DNAH7: variants seen among roughly 807,000 people sequenced by gnomAD.
The protein encoded by DNAH7 is axonemal beta dynein heavy chain 7.
In DNAH7, 397 loss-of-function variants were observed where a neutral mutation model predicts 444.6. The ratio of observed to expected loss-of-function variants is 0.89; its 90% CI spans 0.82 to 0.97. The LOEUF is 0.97. Ranked by LOEUF, DNAH7 falls within the 50% of genes least tolerant of loss-of-function variation. The pLI, the probability that DNAH7 is intolerant of heterozygous loss-of-function variation, is 0.00. For synonymous variants in DNAH7, 1,636 were observed against 1,624.4 expected (o/e 1.01, Z -0.17); for missense variants, 4,902 against 4,800.8 (o/e 1.02, Z -0.62).
intron 27 of DNAH7, chr2:195,905,551 AAGTAATATAGGATCT>A (rs1686961775): frequency 6.6e-6 from 1 of 152,176 alleles, no homozygotes; most frequent in Non-Finnish European, 1.5e-5. Flanking sequence ...TGAAGTGTGG[AAGTAATATAGGATCT>A]AGTCAGGAGA....
At chr2:195,965,501 T>C (rs1369366012) in intron 17 of DNAH7, among the ~76,000 whole-genome samples, 1 of 152,186 alleles carries the variant, frequency 6.6e-6, no homozygotes, top group African/African-American at 2.4e-5. Context: ...CTGGAAGTAT[T>C]CTCTCCTATA....
At chr2:195,776,493 A>T (rs536675531) in intron 59 of DNAH7, among the ~76,000 whole-genome samples, 1 of 152,132 alleles carries the variant, frequency 6.6e-6, no homozygotes, top group Non-Finnish European at 1.5e-5. Flanking sequence ...AGAGAAAAAG[A>T]AAATGTACCT....
chr2:195,900,065 G>A (rs1431955988), intron 28 of DNAH7, among the ~76,000 whole-genome samples: 5 of 152,074 alleles, frequency 3.3e-5, no homozygotes, highest in Non-Finnish European at 7.4e-5. Flanking sequence ...CCCCGTTAAT[G>A]AAACAGAACT....
chr2:195,809,755 T>A lies in DNAH7; in HGVS notation c.9878A>T (p.His3293Leu). The A allele has an allele frequency of 6.3e-7, 1 of 1,587,866 alleles. No individual in the cohort carries two copies. Among genetic ancestry groups the A allele is most frequent in the Non-Finnish European group, 8.6e-7 (1 of 1,167,700 alleles). The change falls in exon 52 of 65, where the codon CAT (histidine) becomes CTT (leucine). Residue 3293 changes from histidine to leucine, a missense_variant. Transcript: ENST00000312428. ...GAAAACAGTACTGACCGCCCGCTCA[T>A]GCAGCAGTAGATTTATGGTTAGACA... The part of the protein sequence containing the change: ...SFCLTINLLL[H>L]ERAINKAEWR...
rs145218502 is a variant in DNAH7 at position 195,974,805 on chromosome 2, T to C, written c.1834-2339A>G. On this transcript the variant is annotated intron_variant, in intron 15 of 64. Coordinates refer to ENST00000312428, the MANE Select transcript of DNAH7 (RefSeq NM_018897.3). Reference sequence around the variant, plus strand: ...ACACACACACACACACAGTCACATATGAAGGACCTCAATCCAAGTACAAAT... The same window carrying C: ...ACACACACACACACACAGTCACATACGAAGGACCTCAATCCAAGTACAAAT... Among the ~76,000 whole-genome samples the C allele has an allele frequency of 5.3e-4, 76 of 144,170 alleles. 1 individual carries two copies. In the East Asian group the frequency reaches 0.015, roughly 28 times the overall value. The allele number at this position is 144,170 out of a possible 152,430, so 94.6% of individuals were successfully genotyped here. A position where few individuals can be genotyped will look rare whatever the true frequency, so the allele number is the denominator to read the frequency against.
chr2:195,782,539 C>A (rs924500449), intron 58 of DNAH7, among the ~76,000 whole-genome samples: 1 of 152,130 alleles, frequency 6.6e-6, no homozygotes, highest in Admixed American at 6.6e-5. Flanking sequence ...ATATCATATT[C>A]TTTCACTATA....
chr2:195,803,790 T>C (rs1291906257), intron 54 of DNAH7, among the ~76,000 whole-genome samples: 1 of 152,234 alleles, frequency 6.6e-6, no homozygotes, highest in African/African-American at 2.4e-5. Context: ...TTGTTTACCA[T>C]TTTGAAGGAC....
At chr2:195,932,095 T>G (rs1178231190) in intron 21 of DNAH7, among the ~76,000 whole-genome samples, 1 of 152,232 alleles carries the variant, frequency 6.6e-6, no homozygotes, top group African/African-American at 2.4e-5. Flanking sequence ...CTCTTTTATT[T>G]CATTGAGCAG....
intron 53 of DNAH7, among the ~76,000 whole-genome samples, chr2:195,807,074 C>T (rs960384293): frequency 6.6e-6 from 1 of 151,932 alleles, no homozygotes; most frequent in Non-Finnish European, 1.5e-5. Flanking sequence ...CACTAATAAA[C>T]AGACAAAATG....
rs71015727 is a variant in DNAH7 at position 195,740,585 on chromosome 2, ATGTGTG to A, written c.11868+175_11868+180del. On this transcript the variant is annotated intron_variant, in intron 64 of 64. Transcript: ENST00000312428. ...CATGAATAACAAGAATTGACTGTAT[ATGTGTG>A]TGTGTGTGTGTGTGTGTGTGTGTGT... Among the ~76,000 whole-genome samples, 761 of 132,356 alleles carry A rather than the reference ATGTGTG, an allele frequency of 5.7e-3. 8 individuals are homozygous for A. The highest frequency in any genetic ancestry group is 0.016 in the Middle Eastern group (4 of 246). 86.8% of individuals were successfully genotyped at this position (132,356 alleles called of 152,430 possible).
chr2:195,913,872 T>C (rs1687508525), intron 24 of DNAH7, among the ~76,000 whole-genome samples: 1 of 152,188 alleles, frequency 6.6e-6, no homozygotes, highest in South Asian at 2.1e-4. Flanking sequence ...CCCACCACCA[T>C]GCCCAGCAAG....
At chr2:195,984,151 G>C (rs1488803898) in intron 15 of DNAH7, among the ~76,000 whole-genome samples, 2 of 152,052 alleles carry the variant, frequency 1.3e-5, no homozygotes, top group Non-Finnish European at 2.9e-5. Context: ...AGATGAGCCT[G>C]CTGGGGCTTG....
chr2:195,809,870 G>C lies in DNAH7; in HGVS notation c.9763C>G (p.Leu3255Val). 1 of 1,547,284 alleles carries C rather than the reference G, an allele frequency of 6.5e-7. No individual in the cohort carries two copies. Among genetic ancestry groups the C allele is most frequent in the Non-Finnish European group, 8.7e-7 (1 of 1,149,718 alleles). The stretch of plus-strand genomic sequence containing the variant: ...GTAAAGTGATCCTTGAGAATCTGAA[G>C]CCTAAGGGTCAACAGAAAATAAAGG... ...SEKSEILAKR[L>V]QILKDHFTYS... is the part of the protein sequence containing the mutation. The change falls in exon 52 of 65, where the codon CTT becomes GTT. Residue 3255 changes from leucine to valine, a missense_variant and splice_region_variant. Leu to Val is a conservative substitution (Grantham distance 32). Transcript: ENST00000312428.
chr2:195,861,239 C>T (rs1008597085), intron 42 of DNAH7, among the ~76,000 whole-genome samples: 1 of 152,040 alleles, frequency 6.6e-6, no homozygotes, highest in Non-Finnish European at 1.5e-5. Flanking sequence ...CTTCTGTGCA[C>T]ACACAAGTCA....
At chr2:195,949,254 C>T (rs1052354117) in intron 19 of DNAH7, among the ~76,000 whole-genome samples, 1 of 152,052 alleles carries the variant, frequency 6.6e-6, no homozygotes, top group African/African-American at 2.4e-5. Context: ...ATCTGACTTC[C>T]TCTCTTCCTT....
At chr2:196,011,931 G>C (rs1694748974) in intron 10 of DNAH7, among the ~76,000 whole-genome samples, 1 of 151,862 alleles carries the variant, frequency 6.6e-6, no homozygotes, top group Non-Finnish European at 1.5e-5. Context: ...ATTAATTATG[G>C]GTTTTCATTT....
At chr2:196,052,877 G>C (rs1697563050) in intron 2 of DNAH7, among the ~76,000 whole-genome samples, 1 of 152,168 alleles carries the variant, frequency 6.6e-6, no homozygotes, top group African/African-American at 2.4e-5. Flanking sequence ...TGTTGGAGTG[G>C]ATGGGGAAGG....
intron 10 of DNAH7, among the ~76,000 whole-genome samples, chr2:196,011,108 T>C (rs539101323): frequency 2.0e-5 from 3 of 152,234 alleles, no homozygotes; most frequent in East Asian, 3.9e-4. Flanking sequence ...AATGTGACTA[T>C]AGTTAACAAG....
chr2:196,056,167 G>A (rs541385107), intron 2 of DNAH7, among the ~76,000 whole-genome samples: 13 of 152,182 alleles, frequency 8.5e-5, no homozygotes, highest in East Asian at 3.9e-4. Context: ...TTTTGTGGCC[G>A]GGCGCAGTGG....
Sources: gnomAD v4.1 joint callset for allele counts (sites outside exome capture counted in the v4.1 genomes callset) on GRCh38, gnomAD v4.1.1 for gene constraint, MANE v1.5 for transcripts, NCBI Gene and HGNC (gene_info 2026-07-23, HGNC 2026-07-21) for gene names.